The following RBPJ variants were observed in gnomAD, a reference collection of about 807,000 sequenced individuals.
The protein encoded by RBPJ is recombining binding protein suppressor of hairless.
In RBPJ, 9 loss-of-function variants were observed where a neutral mutation model predicts 67.8. That is an observed-to-expected ratio of 0.13 (90% confidence interval 0.08 to 0.23). RBPJ has a LOEUF of 0.23. Ranked by LOEUF, RBPJ falls within the 10% of genes least tolerant of loss-of-function variation. RBPJ has a pLI of 1.00. For synonymous variants in RBPJ, 198 were observed against 203.3 expected (o/e 0.97, Z 0.22); for missense variants, 305 against 595.6 (o/e 0.51, Z 5.08).
chr4:26,308,704 T>C (rs1722327638), intron 1 of RBPJ, among the ~76,000 whole-genome samples: 1 of 152,246 alleles, frequency 6.6e-6, no homozygotes, highest in Non-Finnish European at 1.5e-5. Context: ...ATCTTCTTAG[T>C]CCTTAGTGTG....
In RBPJ at chr4:26,289,384, C is replaced by CAAAAAAAAAAAAAAA. The variant is rs60159669; in HGVS notation, c.-166-73053_-166-73039dup. Among the ~76,000 whole-genome samples the CAAAAAAAAAAAAAAA allele has an allele frequency of 1.3e-3, 104 of 78,298 alleles. 2 individuals carry two copies. The highest frequency in any genetic ancestry group is 4.4e-3 in the African/African-American group (91 of 20,536). The allele number at this position is 78,298 out of a possible 152,430, so 51.4% of individuals were successfully genotyped here. ...TCAGCGACAGAGTGAGACTTGGTCT[C>CAAAAAAAAAAAAAAA]AAAAAAAAAAAAAAAAAAAAAAAGA... On this transcript the variant is annotated intron_variant, in intron 1 of 4. Coordinates refer to the RBPJ transcript ENST00000512351.
chr4:26,260,462 CTCT>C (rs1156916554), intron 1 of RBPJ, among the ~76,000 whole-genome samples: 2 of 152,054 alleles, frequency 1.3e-5, no homozygotes, highest in Non-Finnish European at 2.9e-5. Context: ...ATCTTCAATT[CTCT>C]TACTTGCTGA....
chr4:26,240,989 TGAG>T (rs961444684), intron 1 of RBPJ, among the ~76,000 whole-genome samples: 33 of 152,042 alleles, frequency 2.2e-4, no homozygotes, highest in African/African-American at 7.2e-4. Flanking sequence ...CGTATATAAA[TGAG>T]GAGTTGTGAA....
At chr4:26,128,600 C>T in the RBPJ span, among the ~76,000 whole-genome samples, 1 of 152,214 alleles carries the variant, frequency 6.6e-6, no homozygotes, top group Admixed American at 6.5e-5. Flanking sequence ...TCCCCTCCTT[C>T]TCAATCACTA....
chr4:26,211,833 A>G (rs1179505331), intron 1 of RBPJ, among the ~76,000 whole-genome samples: 1 of 152,202 alleles, frequency 6.6e-6, no homozygotes, highest in African/African-American at 2.4e-5. Flanking sequence ...TCATTATAGA[A>G]GTAATTAGTT....
intron 1 of RBPJ, among the ~76,000 whole-genome samples, chr4:26,286,353 C>T (rs982656798): frequency 2.0e-5 from 3 of 151,670 alleles, no homozygotes; most frequent in Non-Finnish European, 4.4e-5. Flanking sequence ...GTGGTGAGCA[C>T]CTGTGGTCCC....
intron 1 of RBPJ, among the ~76,000 whole-genome samples, chr4:26,210,686 C>CTTT (rs56289492): frequency 0.29 from 18,344 of 62,684 alleles, 5,102 homozygotes; most frequent in African/African-American, 0.39. Context: ...TTCTTTCTTT[C>CTTT]CTTTCTTTCT....
chr4:26,244,443 G>C lies in RBPJ; in HGVS notation c.-167+80829G>C, dbSNP rs1719849096. ...TGTGTGTATATATGTATACATATGT[G>C]TGTATACATATATGTGTGTATATAT... On this transcript the variant is annotated intron_variant, in intron 1 of 4. Coordinates refer to the RBPJ transcript ENST00000512351. 3.8e-5 allele frequency among the ~76,000 whole-genome samples: 2 copies of C among 52,790 alleles called. 1 individual carries two copies. Among genetic ancestry groups the C allele is most frequent in the Non-Finnish European group, 8.1e-5 (2 of 24,818 alleles). The allele number at this position is 52,790 out of a possible 152,430, so 34.6% of individuals were successfully genotyped here. A position where few individuals can be genotyped will look rare whatever the true frequency, so the allele number is the denominator to read the frequency against.
chr4:26,430,151 C>T lies in RBPJ; in HGVS notation c.1044+98C>T. 7.3e-7 allele frequency: 1 copy of T among 1,374,936 alleles called. No individual in the cohort carries two copies. Among genetic ancestry groups the T allele is most frequent in the Non-Finnish European group, 1.0e-6 (1 of 970,512 alleles). The allele number at this position is 1,374,936 out of a possible 1,614,324, so 85.2% of individuals were successfully genotyped here. ...TTTCATGGGAGTTTTGATTTTTCTCCAATCGTCTGATTAGGGGATTTTTAT... is the reference window on the plus strand; with the variant it reads ...TTTCATGGGAGTTTTGATTTTTCTCTAATCGTCTGATTAGGGGATTTTTAT... On this transcript the variant is annotated intron_variant, in intron 9 of 10. Coordinates refer to ENST00000355476, the MANE Select transcript of RBPJ (RefSeq NM_015874.6). This position sits in a 1 kb window ranked among gnomAD's most constrained non-coding sequence, Gnocchi z 4.1.
intron 1 of RBPJ, among the ~76,000 whole-genome samples, chr4:26,192,010 A>ATTT (rs35579283): frequency 2.8e-5 from 4 of 142,702 alleles, no homozygotes; most frequent in Non-Finnish European, 1.5e-5. Flanking sequence ...ATTCTTTAAA[A>ATTT]TTTTTTTTTT....
At chr4:26,361,009 G>A (rs1208759738) in intron 1 of RBPJ, among the ~76,000 whole-genome samples, 2 of 150,548 alleles carry the variant, frequency 1.3e-5, no homozygotes, top group Non-Finnish European at 3.0e-5. Context: ...GTCTGGAGGA[G>A]CAGAGTGTAG....
chr4:26,116,740 C>A, the RBPJ span, among the ~76,000 whole-genome samples: 1 of 152,240 alleles, frequency 6.6e-6, no homozygotes, highest in Non-Finnish European at 1.5e-5. Flanking sequence ...GATGCCACTG[C>A]CACCTGTGGC....
intron 1 of RBPJ, among the ~76,000 whole-genome samples, chr4:26,323,837 T>G (rs912590143): frequency 7.9e-5 from 12 of 152,204 alleles, no homozygotes; most frequent in African/African-American, 2.9e-4. Context: ...AAAAATTGTT[T>G]CGTTTGAAAG....
intron 1 of RBPJ, among the ~76,000 whole-genome samples, chr4:26,184,131 G>A (rs555328456): frequency 6.7e-6 from 1 of 150,096 alleles, no homozygotes; most frequent in East Asian, 1.9e-4. Context: ...CCAGTGAGCT[G>A]AGATGGCACC....
the RBPJ span, among the ~76,000 whole-genome samples, chr4:26,132,000 A>C: frequency 1.3e-5 from 2 of 152,088 alleles, no homozygotes; most frequent in Admixed American, 6.6e-5. Flanking sequence ...AGTGGTTTGG[A>C]GTATTATAGT....
chr4:26,172,733 G>A (rs1192066717), intron 1 of RBPJ, among the ~76,000 whole-genome samples: 1 of 152,134 alleles, frequency 6.6e-6, no homozygotes, highest in African/African-American at 2.4e-5. Flanking sequence ...ATAACTCTGA[G>A]AAGTGTTATA....
chr4:26,223,963 A>T (rs1419274855), intron 1 of RBPJ, among the ~76,000 whole-genome samples: 1 of 152,210 alleles, frequency 6.6e-6, no homozygotes, highest in Non-Finnish European at 1.5e-5. Flanking sequence ...TAATTTTCTA[A>T]ATGGGAATAA....
intron 1 of RBPJ, among the ~76,000 whole-genome samples, chr4:26,290,552 G>A (rs1197378792): frequency 6.6e-6 from 1 of 150,454 alleles, no homozygotes; most frequent in Admixed American, 6.6e-5. Flanking sequence ...CTATGTTAGT[G>A]ACTGATTGAA....
the RBPJ span, among the ~76,000 whole-genome samples, chr4:26,107,715 T>C: frequency 6.6e-6 from 1 of 152,144 alleles, no homozygotes; most frequent in African/African-American, 2.4e-5. Flanking sequence ...CTGGCAAACA[T>C]GGTGAAACCC....
Sources: allele counts gnomAD v4.1 joint callset (sites outside exome capture counted in the v4.1 genomes callset), GRCh38; gene constraint gnomAD v4.1.1; non-coding constraint Gnocchi (gnomAD v3.1); transcripts MANE v1.5; gene names NCBI Gene and HGNC (gene_info 2026-07-23, HGNC 2026-07-21).